The following SASH1 variants were observed in gnomAD, a reference collection of about 807,000 sequenced individuals.
SASH1 encodes the protein SAM and SH3 domain-containing protein 1.
In SASH1, 44 loss-of-function variants were observed where a neutral mutation model predicts 125.2. The ratio of observed to expected loss-of-function variants is 0.35; its 90% CI spans 0.28 to 0.45. SASH1 has a LOEUF of 0.45. SASH1 is among the 20% of genes least tolerant of loss of function. The pLI, the probability that SASH1 is intolerant of heterozygous loss-of-function variation, is 1.00. For missense variants in SASH1, 1,426 were observed against 1,614.5 expected (o/e 0.88, Z 2.00); for synonymous variants, 639 against 649.1 (o/e 0.98, Z 0.24).
the SASH1 span, among the ~76,000 whole-genome samples, chr6:148,211,577 A>G: frequency 0.041 from 4,890 of 118,600 alleles, 115 homozygotes; most frequent in South Asian, 0.07. Context: ...TCTCAAAGGG[A>G]AAAAAAAAAA....
chr6:148,471,616 C>A, intron 6 of SASH1, 113 bp downstream of exon 6: 1 of 666,636 alleles, frequency 1.5e-6, no homozygotes, highest in East Asian at 2.9e-5. Flanking sequence ...CGCATGTGCC[C>A]ATAAGATGTT....
chr6:148,311,079 T>C (rs1780313856), intron 1 of SASH1, among the ~76,000 whole-genome samples: 2 of 151,314 alleles, frequency 1.3e-5, no homozygotes, highest in South Asian at 2.1e-4. Flanking sequence ...ACACCTAAGC[T>C]TCTTTTTTTC....
rs113103590 is a variant in SASH1, at chr6:148,456,751, A to G, written c.387-11794A>G. Among the ~76,000 whole-genome samples, 770 of 151,848 alleles carry G rather than the reference A, an allele frequency of 5.1e-3. 7 individuals are homozygous for G. The highest frequency in any genetic ancestry group is 0.018 in the African/African-American group (730 of 41,404). ...GTGGTGCGCGCCTGTAGTCCCAGCT[A>G]TTTGGGGGCTGAGGAGGTGGGAGGA... On this transcript the variant is annotated intron_variant, in intron 4 of 19. Transcript: ENST00000367467.
intron 1 of SASH1, among the ~76,000 whole-genome samples, chr6:148,381,617 C>CTTTTTT (rs201145545): frequency 0.086 from 6,665 of 77,662 alleles, 1,338 homozygotes; most frequent in South Asian, 0.12. Flanking sequence ...TTCTTGCTTT[C>CTTTTTT]TTTTTTTTTT....
intron 9 of SASH1, among the ~76,000 whole-genome samples, chr6:148,518,190 T>C (rs959190652): frequency 5.9e-5 from 9 of 152,166 alleles, no homozygotes; most frequent in Non-Finnish European, 1.3e-4. Flanking sequence ...GCATCTGGGC[T>C]GGTGAATTTC....
the SASH1 span, among the ~76,000 whole-genome samples, chr6:148,264,159 T>C: frequency 0.068 from 10,124 of 149,180 alleles, 487 homozygotes; most frequent in Non-Finnish European, 0.099. Flanking sequence ...AAGGACTCTG[T>C]TATCTTTTAT....
chr6:148,456,013 C>G (rs544505944), intron 4 of SASH1, among the ~76,000 whole-genome samples: 1 of 152,334 alleles, frequency 6.6e-6, no homozygotes, highest in South Asian at 2.1e-4. Context: ...CCAGGGTCCT[C>G]TGTGTCCAGG....
chr6:148,368,966 T>C (rs1435122864), intron 1 of SASH1, among the ~76,000 whole-genome samples: 3 of 152,220 alleles, frequency 2.0e-5, no homozygotes, highest in Non-Finnish European at 4.4e-5. Flanking sequence ...GCATGCTGTC[T>C]CTTACTCTGG....
intron 10 of SASH1, among the ~76,000 whole-genome samples, chr6:148,521,411 G>T (rs372649596): frequency 3.4e-4 from 52 of 152,290 alleles, no homozygotes; most frequent in African/African-American, 1.2e-3. Flanking sequence ...TCATTCAGTC[G>T]GGTTCTGCTT....
intron 8 of SASH1, chr6:148,513,954 G>C (rs71568238): frequency 1.0e-6 from 1 of 996,026 alleles, no homozygotes; most frequent in Non-Finnish European, 1.2e-6. Flanking sequence ...AGACAGATGA[G>C]AGCCTGGCCC....
chr6:148,239,070 A>G, the SASH1 span, among the ~76,000 whole-genome samples: 2 of 152,188 alleles, frequency 1.3e-5, no homozygotes, highest in African/African-American at 4.8e-5. Flanking sequence ...TAGGGACATT[A>G]GAGTTACTGA....
At chr6:148,382,826 GA>G (rs1302484636) in intron 1 of SASH1, among the ~76,000 whole-genome samples, 1 of 152,218 alleles carries the variant, frequency 6.6e-6, no homozygotes, top group Non-Finnish European at 1.5e-5. Flanking sequence ...TTTTTGGAGA[GA>G]GGGGATGGAA....
the SASH1 span, among the ~76,000 whole-genome samples, chr6:148,206,582 G>C: frequency 2.6e-5 from 4 of 152,106 alleles, no homozygotes; most frequent in Non-Finnish European, 5.9e-5. Context: ...CCGAAGTCAG[G>C]AGTTTGAGAC....
Position 148,533,687 on chromosome 6 carries a change from C to T in SASH1, c.1735-84C>T. The T allele has an allele frequency of 1.5e-6, 2 of 1,307,924 alleles. No individual in the cohort carries two copies. The highest frequency in any genetic ancestry group is 1.3e-5 in the South Asian group (1 of 76,418). 81.0% of individuals were successfully genotyped at this position (1,307,924 alleles called of 1,614,324 possible). On this transcript the variant is annotated intron_variant, in intron 14 of 19. Coordinates refer to ENST00000367467, the MANE Select transcript of SASH1 (RefSeq NM_015278.5). This position sits in a 1 kb window ranked among gnomAD's most constrained non-coding sequence, Gnocchi z 6.2. ...GGCCTTTGTGGCATCTTCACTTCTG[C>T]ATGACCTGTGTATCTGACAGATTCT...
At chr6:148,260,598 C>T in the SASH1 span, among the ~76,000 whole-genome samples, 8 of 147,764 alleles carry the variant, frequency 5.4e-5, no homozygotes, top group Admixed American at 5.4e-4. Flanking sequence ...AAAGCAAGAC[C>T]CTGTCTTTAA....
chr6:148,503,902 C>G (rs1035967545), intron 8 of SASH1, among the ~76,000 whole-genome samples: 1 of 152,162 alleles, frequency 6.6e-6, no homozygotes, highest in African/African-American at 2.4e-5. Context: ...TACGTCATTT[C>G]TCTTACTACT....
chr6:148,393,339 C>A (rs538993868), intron 2 of SASH1, among the ~76,000 whole-genome samples: 1 of 151,758 alleles, frequency 6.6e-6, no homozygotes, highest in Non-Finnish European at 1.5e-5. Context: ...GGATTACAGG[C>A]GTAAGCCACC....
intron 1 of SASH1, among the ~76,000 whole-genome samples, chr6:148,356,327 C>T (rs1421642812): frequency 2.0e-5 from 3 of 151,722 alleles, no homozygotes; most frequent in African/African-American, 4.8e-5. Context: ...TTAGGTGATC[C>T]GCCTGCCTCA....
chr6:148,501,661 C>T (rs1779565436), intron 8 of SASH1, among the ~76,000 whole-genome samples: 1 of 152,138 alleles, frequency 6.6e-6, no homozygotes, highest in African/African-American at 2.4e-5. Flanking sequence ...GGTGACAAAG[C>T]CCCAGGCAGA....
Sources: gnomAD v4.1 joint callset for allele counts (sites outside exome capture counted in the v4.1 genomes callset) on GRCh38, gnomAD v4.1.1 for gene constraint, Gnocchi (gnomAD v3.1) non-coding constraint, MANE v1.5 for transcripts, NCBI Gene and HGNC (gene_info 2026-07-23, HGNC 2026-07-21) for gene names.